The following SETD3 variants were observed in gnomAD, a reference collection of about 807,000 sequenced individuals.
The protein encoded by SETD3 is SET domain containing 3, actin N3(tau)-histidine methyltransferase, also known as actin-histidine N-methyltransferase.
Under a neutral mutation model 63.0 loss-of-function variants are expected in SETD3, and 19 were observed. That is an observed-to-expected ratio of 0.30 (90% confidence interval 0.21 to 0.44). The LOEUF (loss-of-function observed/expected upper bound fraction) is 0.44, where lower values mean the gene tolerates loss of function less well. SETD3 is among the 20% of genes least tolerant of loss of function. The pLI, the probability that SETD3 is intolerant of heterozygous loss-of-function variation, is 1.00. For synonymous variants in SETD3, 286 were observed against 264.1 expected, an observed-to-expected ratio of 1.08 and a Z score of -0.80; for missense variants, 587 against 728.5, an observed-to-expected ratio of 0.81 and a Z score of 2.24.
intron 6 of SETD3, among the ~76,000 whole-genome samples, chr14:99,453,141 C>T (rs1894557916): frequency 6.6e-6 from 1 of 152,168 alleles, no homozygotes; most frequent in Admixed American, 6.5e-5. Context: ...AGTGACAATG[C>T]ACTGATGAGG....
intron 6 of SETD3, among the ~76,000 whole-genome samples, chr14:99,454,335 G>A (rs191456045): frequency 3.2e-4 from 49 of 152,164 alleles, no homozygotes; most frequent in South Asian, 8.3e-4. Flanking sequence ...GACGACAGGT[G>A]TATGCCACCA....
intron 6 of SETD3, among the ~76,000 whole-genome samples, chr14:99,435,202 T>C (rs1359746601): frequency 6.7e-6 from 1 of 148,160 alleles, no homozygotes; most frequent in African/African-American, 2.5e-5. Context: ...TTTAAAAGTT[T>C]ATAATGCTCA....
At chr14:99,429,385 GAA>G (rs1252176489) in intron 6 of SETD3, among the ~76,000 whole-genome samples, 1 of 152,194 alleles carries the variant, frequency 6.6e-6, no homozygotes, top group Non-Finnish European at 1.5e-5. Flanking sequence ...GACAAGAAAA[GAA>G]AAGTGAAGAA....
intron 2 of SETD3, among the ~76,000 whole-genome samples, chr14:99,465,194 T>C (rs892799402): frequency 2.6e-5 from 4 of 151,974 alleles, no homozygotes; most frequent in African/African-American, 4.8e-5. Context: ...AGGCGAGCCA[T>C]TCCAGTGAGG....
At chr14:99,481,249 A>G (rs1356154466), upstream of SETD3, 3 of 395,574 alleles carry the variant, frequency 7.6e-6, no homozygotes, top group Non-Finnish European at 1.3e-5. Context: ...CTCTGTAAGC[A>G]GCAGCCACTG....
At chr14:99,468,350 C>T (rs1427897656) in intron 1 of SETD3, among the ~76,000 whole-genome samples, 1 of 152,076 alleles carries the variant, frequency 6.6e-6, no homozygotes, top group Admixed American at 6.5e-5. Context: ...ATCTCCCTGC[C>T]CAAGCCTGTC....
At chr14:99,458,774 CAAAAAA>C (rs5810953) in intron 5 of SETD3, among the ~76,000 whole-genome samples, 10 of 89,504 alleles carry the variant, frequency 1.1e-4, no homozygotes, top group East Asian at 3.1e-4. Context: ...CCCATCACTA[CAAAAAA>C]AAAAAAAAAA....
At chr14:99,424,162 C>A (rs1686254776) in intron 6 of SETD3, among the ~76,000 whole-genome samples, 1 of 152,216 alleles carries the variant, frequency 6.6e-6, no homozygotes, top group African/African-American at 2.4e-5. Context: ...CTGACTTAAG[C>A]TATCTTTTAC....
rs566503371 is a variant in SETD3 at position 99,430,276 on chromosome 14, T to G, written c.676-16342A>C. Among the ~76,000 whole-genome samples, 375 of 152,326 alleles carry G rather than the reference T, an allele frequency of 2.5e-3. 1 individual carries two copies. The highest frequency in any genetic ancestry group is 8.7e-3 in the African/African-American group (362 of 41,570). On this transcript the variant is annotated intron_variant, in intron 6 of 12. Coordinates refer to ENST00000331768, the MANE Select transcript of SETD3 (RefSeq NM_032233.3). ...AATGGGAGTGAAGTCTGGGAGAAGC[T>G]GAATTTCACACTGAGGTTTCTGGCC...
rs781657370 is a variant in SETD3, at chr14:99,461,281, C to T, written c.256G>A (p.Ala86Thr). The T allele has an allele frequency of 1.9e-6, 3 of 1,614,172 alleles. No individual in the cohort carries two copies. The highest frequency in any genetic ancestry group is 4.5e-5 in the East Asian group (2 of 44,892). ...TCGACAGAAGCCCCATTTTCAGAGG[C>T]CCATTTCATTAGATCAGGAAAGTAA... ...EDYFPDLMKW[A>T]SENGASVEGF... Residue 86 changes from alanine (A) to threonine (T), a missense_variant, in exon 4 of 13, where the codon GCC becomes ACC. Transcript: ENST00000331768.
At chr14:99,462,540 T>C (rs1016486056) in intron 3 of SETD3, among the ~76,000 whole-genome samples, 1 of 152,236 alleles carries the variant, frequency 6.6e-6, no homozygotes, top group Admixed American at 6.5e-5. Context: ...CCTTGAGAAC[T>C]GGCAAATGCT....
chr14:99,419,692 G>A (rs903483706), intron 6 of SETD3, among the ~76,000 whole-genome samples: 13 of 150,364 alleles, frequency 8.6e-5, no homozygotes, highest in East Asian at 3.9e-4. Flanking sequence ...GGAGAATGGC[G>A]TGAACCCGGG....
chr14:99,461,451 C>T lies in SETD3; in HGVS notation c.197-111G>A, dbSNP rs1330508336. The T allele has an allele frequency of 6.5e-6, 7 of 1,072,526 alleles. No individual in the cohort carries two copies. The Admixed American group carries it at 6.8e-5, about 10-fold the overall frequency. The allele number at this position is 1,072,526 out of a possible 1,614,324, so 66.4% of individuals were successfully genotyped here. On this transcript the variant is annotated intron_variant, in intron 3 of 12. Coordinates refer to ENST00000331768, the MANE Select transcript of SETD3 (RefSeq NM_032233.3). ...TAACTAACACTGGAAATAGTCTTAA[C>T]ACGCCAATCTTGAAATCAAAACTAA...
intron 6 of SETD3, among the ~76,000 whole-genome samples, chr14:99,426,118 C>A (rs1421149615): frequency 6.6e-6 from 1 of 152,136 alleles, no homozygotes; most frequent in Non-Finnish European, 1.5e-5. Flanking sequence ...TTGGAATAAT[C>A]CGCCCCCCCA....
At chr14:99,430,385 C>T (rs573642451) in intron 6 of SETD3, among the ~76,000 whole-genome samples, 35 of 152,124 alleles carry the variant, frequency 2.3e-4, no homozygotes, top group Admixed American at 6.5e-4. Flanking sequence ...CTACCTGATG[C>T]TAGTTTATAT....
In SETD3 at chr14:99,449,311, G is replaced by A. The variant is rs1420525977; in HGVS notation, c.675+8968C>T. On this transcript the variant is annotated intron_variant, in intron 6 of 12. Transcript: ENST00000331768. ...GGTGAGAAACAGGATATTTGATGGT[G>A]AGAAACAGGACATTTGCATAGTCTC... Among the ~76,000 whole-genome samples, 13 of 152,180 alleles carry A rather than the reference G, an allele frequency of 8.5e-5. 1 individual carries two copies. The highest frequency in any genetic ancestry group is 8.5e-4 in the Admixed American group (13 of 15,280).
At chr14:99,469,570 C>T (rs1055059495) in intron 1 of SETD3, among the ~76,000 whole-genome samples, 45 of 152,296 alleles carry the variant, frequency 3.0e-4, no homozygotes, top group African/African-American at 1.1e-3. Flanking sequence ...ATGGCAAAAC[C>T]TTGTCTCTAC....
chr14:99,420,118 C>G (rs1165087989), intron 6 of SETD3, among the ~76,000 whole-genome samples: 2 of 152,178 alleles, frequency 1.3e-5, no homozygotes, highest in Non-Finnish European at 2.9e-5. Flanking sequence ...TTCCGGGCCA[C>G]CTTCTCCAAT....
Position 99,462,903 on chromosome 14 carries a change from G to A in SETD3, c.196+583C>T, listed in dbSNP as rs56883966. On this transcript the variant is annotated intron_variant, in intron 3 of 12. Coordinates refer to ENST00000331768, the MANE Select transcript of SETD3 (RefSeq NM_032233.3). ...CTGCTTCTACCTTCCATGTGGTCCT[G>A]CATAATAATCTTTACTTTTTGTGCT... 9.4e-3 allele frequency among the ~76,000 whole-genome samples: 1,438 copies of A among 152,274 alleles called. 23 individuals are homozygous for A. Among genetic ancestry groups the A allele is most frequent in the African/African-American group, 0.033 (1,377 of 41,534 alleles).
Sources: gnomAD v4.1 joint callset for allele counts (sites outside exome capture counted in the v4.1 genomes callset) on GRCh38, gnomAD v4.1.1 for gene constraint, MANE v1.5 for transcripts, NCBI Gene and HGNC (gene_info 2026-07-23, HGNC 2026-07-21) for gene names.